Variants in CSMD1 observed in about 807,000 individuals in gnomAD.
CSMD1 encodes the protein CUB and sushi domain-containing protein 1.
In CSMD1, 213 loss-of-function variants were observed where a neutral mutation model predicts 417.5. That is an observed-to-expected ratio of 0.51 (90% CI 0.46 to 0.57). CSMD1 has a LOEUF of 0.57. Ranked by LOEUF, CSMD1 falls within the 20% of genes least tolerant of loss-of-function variation. The pLI, the probability that CSMD1 is intolerant of heterozygous loss-of-function variation, is 0.00. For synonymous variants in CSMD1, 2,862 were observed against 1,736.8 expected (o/e 1.65, Z -16.11); for missense variants, 6,923 against 4,529.7 (o/e 1.53, Z -15.17).
intron 7 of CSMD1, among the ~76,000 whole-genome samples, chr8:3,682,238 A>G (rs1398343782): frequency 2.6e-5 from 4 of 152,198 alleles, no homozygotes; most frequent in Non-Finnish European, 5.9e-5. Context: ...AGAAACTACC[A>G]TCAGAGTGAA....
chr8:3,305,922 T>G (rs1804801464), intron 25 of CSMD1, among the ~76,000 whole-genome samples: 1 of 152,166 alleles, frequency 6.6e-6, no homozygotes, highest in Non-Finnish European at 1.5e-5. Flanking sequence ...CCTGGTGATT[T>G]GCCTGCCTTG....
chr8:3,182,738 T>C (rs1186003434), intron 36 of CSMD1, among the ~76,000 whole-genome samples: 2 of 128,934 alleles, frequency 1.6e-5, no homozygotes, highest in Admixed American at 7.9e-5. Context: ...GCTGTCTCTT[T>C]ATAAGAAGCT....
chr8:4,542,816 A>T (rs754839131), intron 2 of CSMD1, among the ~76,000 whole-genome samples: 1 of 152,210 alleles, frequency 6.6e-6, no homozygotes. Flanking sequence ...TAACATGATT[A>T]TATTATTAAA....
intron 1 of CSMD1, among the ~76,000 whole-genome samples, chr8:4,791,085 A>T (rs1377854240): frequency 2.7e-5 from 4 of 147,450 alleles, no homozygotes; most frequent in African/African-American, 4.9e-5. Context: ...AGAGACGGTG[A>T]GAGAGACGGT....
At chr8:3,679,902 C>T (rs1585064515) in intron 7 of CSMD1, among the ~76,000 whole-genome samples, 1 of 152,294 alleles carries the variant, frequency 6.6e-6, no homozygotes, top group Non-Finnish European at 1.5e-5. Flanking sequence ...CACACAACTA[C>T]TTGGAAACTG....
At chr8:4,888,494 G>T (rs940834265) in intron 1 of CSMD1, among the ~76,000 whole-genome samples, 3 of 151,972 alleles carry the variant, frequency 2.0e-5, no homozygotes, top group Non-Finnish European at 2.9e-5. Flanking sequence ...CAGAAGGATA[G>T]ACTGATAGAT....
intron 3 of CSMD1, among the ~76,000 whole-genome samples, chr8:4,105,580 G>A (rs28639388): frequency 6.6e-6 from 1 of 151,980 alleles, no homozygotes; most frequent in Non-Finnish European, 1.5e-5. Context: ...CATTGTCTAT[G>A]AGTAGGTGAT....
chr8:3,046,167 A>T (rs942281948), intron 50 of CSMD1, among the ~76,000 whole-genome samples: 1 of 152,162 alleles, frequency 6.6e-6, no homozygotes, highest in East Asian at 1.9e-4. Context: ...TATGCTCACA[A>T]AGTCAGTCTG....
chr8:3,473,598 C>A (rs1467111846), intron 11 of CSMD1, among the ~76,000 whole-genome samples: 6 of 152,098 alleles, frequency 3.9e-5, no homozygotes, highest in Non-Finnish European at 5.9e-5. Flanking sequence ...CTGTTTGAAA[C>A]AGGATTTTCA....
At chr8:4,739,781 G>C (rs549988106) in intron 1 of CSMD1, among the ~76,000 whole-genome samples, 23 of 152,118 alleles carry the variant, frequency 1.5e-4, no homozygotes, top group South Asian at 6.2e-4. Flanking sequence ...CCTCTCTTTG[G>C]AGTCCTTTTT....
chr8:4,781,177 C>A (rs1563367660), intron 1 of CSMD1, among the ~76,000 whole-genome samples: 1 of 152,148 alleles, frequency 6.6e-6, no homozygotes, highest in Non-Finnish European at 1.5e-5. Context: ...CCCAACCTAG[C>A]AAATACATCT....
intron 26 of CSMD1, among the ~76,000 whole-genome samples, chr8:3,252,317 T>A (rs567577634): frequency 1.3e-5 from 2 of 152,300 alleles, no homozygotes; most frequent in African/African-American, 4.8e-5. Flanking sequence ...CTATTGGGAT[T>A]ATCACGTGGT....
intron 3 of CSMD1, among the ~76,000 whole-genome samples, chr8:4,353,319 C>T (rs775376525): frequency 3.3e-5 from 5 of 152,084 alleles, no homozygotes; most frequent in African/African-American, 1.2e-4. Flanking sequence ...TCTTCCCTGC[C>T]ACCATGTAAG....
intron 3 of CSMD1, among the ~76,000 whole-genome samples, chr8:4,280,789 T>G (rs1479636080): frequency 6.6e-6 from 1 of 152,212 alleles, no homozygotes; most frequent in Non-Finnish European, 1.5e-5. Context: ...AAATATTATT[T>G]GAACGTATGT....
At position 3,396,222 on chromosome 8, in the gene CSMD1, G is replaced by A. The variant is rs757006019; in HGVS notation, c.2565C>T (p.Ser855=). 3 of 1,567,864 alleles carry A rather than the reference G, an allele frequency of 1.9e-6. No homozygotes were observed. Among genetic ancestry groups the A allele is most frequent in the Middle Eastern group, 1.8e-4 (1 of 5,706 alleles). ...CATAGTGGATGAGGAAGCCGATGCT[G>A]GAGCGGCTGTTGTCAGTGGTGAACA... ...YLLFTTDNSR[S]SIGFLIHYES... is the part of the protein sequence containing the mutation. The change falls in exon 17 of 70, where the codon TCC becomes TCT. Residue 855 remains serine, a synonymous_variant. Transcript: ENST00000635120.
chr8:4,552,669 C>G (rs1229668450), intron 2 of CSMD1, among the ~76,000 whole-genome samples: 1 of 152,092 alleles, frequency 6.6e-6, no homozygotes, highest in Non-Finnish European at 1.5e-5. Context: ...GCCTAGCAAT[C>G]GATCTTAATG....
chr8:3,463,415 C>T (rs575283814), intron 12 of CSMD1, among the ~76,000 whole-genome samples: 8 of 152,320 alleles, frequency 5.3e-5, no homozygotes, highest in Admixed American at 1.3e-4. Context: ...ACATTATAAA[C>T]GCTTTGTGAC....
At chr8:3,450,312 A>AT (rs74808597) in intron 12 of CSMD1, among the ~76,000 whole-genome samples, 185 of 146,804 alleles carry the variant, frequency 1.3e-3, no homozygotes, top group East Asian at 3.2e-3. Context: ...AGCCTCTCCT[A>AT]TTTTTTTTTT....
chr8:4,614,439 C>G (rs928497121), intron 2 of CSMD1, among the ~76,000 whole-genome samples: 3 of 152,120 alleles, frequency 2.0e-5, no homozygotes, highest in Non-Finnish European at 4.4e-5. Context: ...AAGCCTCTAA[C>G]CTTTGCTTTT....
Sources: allele counts gnomAD v4.1 joint callset (sites outside exome capture counted in the v4.1 genomes callset), GRCh38; gene constraint gnomAD v4.1.1; transcripts MANE v1.5; gene names NCBI Gene and HGNC (gene_info 2026-07-23, HGNC 2026-07-21).